ZDHHC14: variants seen among roughly 807,000 people sequenced by gnomAD.
ZDHHC14 encodes zDHHC palmitoyltransferase 14.
ZDHHC14 carries 16 observed loss-of-function variants against 47.7 expected under a neutral mutation model. The observed-to-expected ratio is 0.34, with a 90% confidence interval of 0.23 to 0.51. The LOEUF (loss-of-function observed/expected upper bound fraction) is 0.51, where lower values mean the gene tolerates loss of function less well. Among genes scored for constraint, ZDHHC14 ranks in the 20% least tolerant of loss-of-function variants. The pLI is 0.97. For synonymous variants in ZDHHC14, 293 were observed against 278.9 expected (o/e 1.05, Z -0.50); for missense variants, 515 against 662.5 (o/e 0.78, Z 2.44).
intron 1 of ZDHHC14, among the ~76,000 whole-genome samples, chr6:157,515,465 T>TC (rs1445568567): frequency 2.7e-5 from 4 of 146,346 alleles, no homozygotes; most frequent in African/African-American, 1.0e-4. Context: ...TTCTTTTTTT[T>TC]TTTTTTTTTT....
intron 1 of ZDHHC14, among the ~76,000 whole-genome samples, chr6:157,425,001 A>C (rs1243198278): frequency 6.6e-6 from 1 of 152,118 alleles, no homozygotes; most frequent in Non-Finnish European, 1.5e-5. Flanking sequence ...CTCCAAAATC[A>C]AGAGTGTTCT....
intron 3 of ZDHHC14, among the ~76,000 whole-genome samples, chr6:157,605,564 C>T (rs888497427): frequency 2.6e-5 from 4 of 152,126 alleles, no homozygotes; most frequent in Admixed American, 6.6e-5. Flanking sequence ...GACTTGACTC[C>T]GATCAGACAG....
At chr6:157,550,404 G>T (rs558731276) in intron 2 of ZDHHC14, among the ~76,000 whole-genome samples, 1 of 151,882 alleles carries the variant, frequency 6.6e-6, no homozygotes, top group Non-Finnish European at 1.5e-5. Context: ...GTGTCACACA[G>T]GCATTCTAGA....
intron 1 of ZDHHC14, among the ~76,000 whole-genome samples, chr6:157,538,877 G>A (rs538888931): frequency 6.6e-6 from 1 of 152,298 alleles, no homozygotes; most frequent in South Asian, 2.1e-4. Flanking sequence ...GTGAAAGCGG[G>A]TGCCTGCCTG....
At chr6:157,485,987 T>TG (rs1354790307) in intron 1 of ZDHHC14, among the ~76,000 whole-genome samples, 1 of 152,244 alleles carries the variant, frequency 6.6e-6, no homozygotes, top group East Asian at 1.9e-4. Context: ...CACTCCACCC[T>TG]GGGTGACAGA....
chr6:157,387,025 T>C (rs985026016), intron 1 of ZDHHC14, among the ~76,000 whole-genome samples: 2 of 152,188 alleles, frequency 1.3e-5, no homozygotes, highest in African/African-American at 4.8e-5. Flanking sequence ...TGCTTAGATC[T>C]GGGGCTTGAC....
Position 157,674,628 on chromosome 6 carries a change from C to A in ZDHHC14, c.*1506C>A, listed in dbSNP as rs1441873539. On this transcript the variant is annotated 3_prime_UTR_variant, in exon 9 of 9. Coordinates refer to ENST00000359775, the MANE Select transcript of ZDHHC14 (RefSeq NM_024630.3). ...CCATATGAAAGACAAGACACATTGA[C>A]CAATGATACAAGTAACCCAAGTGAT... The A allele has an allele frequency of 6.6e-6, 1 of 152,050 alleles. No homozygotes were observed. Among genetic ancestry groups the A allele is most frequent in the Non-Finnish European group, 1.5e-5 (1 of 68,002 alleles). 9.4% of individuals were successfully genotyped at this position (152,050 alleles called of 1,614,324 possible).
At chr6:157,434,734 G>A (rs1026601968) in intron 1 of ZDHHC14, among the ~76,000 whole-genome samples, 17 of 152,162 alleles carry the variant, frequency 1.1e-4, no homozygotes, top group Admixed American at 1.3e-4. Context: ...AGCTTGGCAC[G>A]ACGGGGAGGA....
At chr6:157,453,788 T>TTTTTTTTTTTGTGTGTGTGTGTG (rs3220439) in intron 1 of ZDHHC14, among the ~76,000 whole-genome samples, 6 of 148,098 alleles carry the variant, frequency 4.1e-5, no homozygotes, top group African/African-American at 1.5e-4. Flanking sequence ...TTTTTGTGTT[T>TTTTTTTTTTTGTGTGTGTGTGTG]TGTGTGTGTG....
chr6:157,572,922 G>C (rs557098584), intron 2 of ZDHHC14, among the ~76,000 whole-genome samples: 14 of 151,796 alleles, frequency 9.2e-5, no homozygotes, highest in African/African-American at 3.4e-4. Context: ...CCTTGTTAAG[G>C]CCCTAAGTAG....
intron 1 of ZDHHC14, among the ~76,000 whole-genome samples, chr6:157,388,223 T>G (rs2749667): frequency 2.0e-5 from 3 of 152,148 alleles, no homozygotes; most frequent in South Asian, 2.1e-4. Context: ...ACTTGAATTT[T>G]TCTAATAAAA....
chr6:157,554,003 G>C (rs145388862), intron 2 of ZDHHC14, among the ~76,000 whole-genome samples: 6 of 152,262 alleles, frequency 3.9e-5, no homozygotes, highest in Non-Finnish European at 5.9e-5. Flanking sequence ...ACCTTCCAAG[G>C]CTTTTAGAGA....
chr6:157,536,944 A>G (rs1180816732), intron 1 of ZDHHC14, among the ~76,000 whole-genome samples: 2 of 101,762 alleles, frequency 2.0e-5, no homozygotes, highest in African/African-American at 7.7e-5. Flanking sequence ...TCAGCCTCCC[A>G]AGTAGCTGGG....
intron 1 of ZDHHC14, among the ~76,000 whole-genome samples, chr6:157,435,044 A>G (rs997566904): frequency 1.3e-5 from 2 of 152,358 alleles, no homozygotes; most frequent in Non-Finnish European, 2.9e-5. Context: ...ATCGCTGAAC[A>G]CAGATCTCCA....
At chr6:157,386,298 A>G (rs932693493) in intron 1 of ZDHHC14, among the ~76,000 whole-genome samples, 4 of 152,146 alleles carry the variant, frequency 2.6e-5, no homozygotes, top group African/African-American at 9.7e-5. Context: ...CTTGAGCCCA[A>G]GAGTTCGAGA....
At position 157,463,583 on chromosome 6, in the gene ZDHHC14, A is replaced by G. The variant is rs1021549237; in HGVS notation, c.246-79002A>G. Among the ~76,000 whole-genome samples the G allele has an allele frequency of 1.3e-5, 2 of 152,228 alleles. No individual in the cohort carries two copies. The highest frequency in any genetic ancestry group is 4.8e-5 in the African/African-American group (2 of 41,452). Reference sequence around the variant, plus strand: ...GGAATGTAAGACAGCAGCTCCATCCAGTATTCCCACCTGAAGAAGGTCTTG... The same window carrying G: ...GGAATGTAAGACAGCAGCTCCATCCGGTATTCCCACCTGAAGAAGGTCTTG... On this transcript the variant is annotated intron_variant, in intron 1 of 8. Coordinates refer to ENST00000359775, the MANE Select transcript of ZDHHC14 (RefSeq NM_024630.3). The surrounding 1 kb of genome is among the most constrained non-coding windows in gnomAD (Gnocchi z 4.4).
At chr6:157,492,370 C>G (rs1196476529) in intron 1 of ZDHHC14, among the ~76,000 whole-genome samples, 1 of 152,154 alleles carries the variant, frequency 6.6e-6, no homozygotes, top group African/African-American at 2.4e-5. Flanking sequence ...GCTGCCTGCC[C>G]GGCCTGCTCT....
chr6:157,545,565 C>T (rs1270473605), intron 2 of ZDHHC14, among the ~76,000 whole-genome samples: 1 of 151,966 alleles, frequency 6.6e-6, no homozygotes, highest in Admixed American at 6.6e-5. Flanking sequence ...GTAGTCCCAG[C>T]TACTCGGGAG....
At chr6:157,648,623 CT>C (rs1402967672) in intron 7 of ZDHHC14, among the ~76,000 whole-genome samples, 1 of 152,194 alleles carries the variant, frequency 6.6e-6, no homozygotes, top group Non-Finnish European at 1.5e-5. Flanking sequence ...CACCCCTGAC[CT>C]CCTCAGAGGC....
Sources: gnomAD v4.1 joint callset for allele counts (sites outside exome capture counted in the v4.1 genomes callset) on GRCh38, gnomAD v4.1.1 for gene constraint, Gnocchi (gnomAD v3.1) non-coding constraint, MANE v1.5 for transcripts, NCBI Gene and HGNC (gene_info 2026-07-23, HGNC 2026-07-21) for gene names.